IL17REL: variants seen among roughly 807,000 people sequenced by gnomAD.
The protein encoded by IL17REL is interleukin 17 receptor E like.
Under a neutral mutation model 49.0 loss-of-function variants are expected in IL17REL, and 36 were observed. The observed-to-expected ratio is 0.73, with a 90% confidence interval of 0.56 to 0.97. The LOEUF (loss-of-function observed/expected upper bound fraction) is 0.97, where lower values mean the gene tolerates loss of function less well. Among genes scored for constraint, IL17REL ranks in the 50% least tolerant of loss-of-function variants. IL17REL has a pLI of 0.00. For missense variants in IL17REL, 470 were observed against 453.9 expected, an observed-to-expected ratio of 1.04 and a Z score of -0.32; for synonymous variants, 206 against 192.4, an observed-to-expected ratio of 1.07 and a Z score of -0.58.
rs144306366 is a variant in IL17REL, at chr22:49,999,098, G to GCACA, written c.601+189_601+192dup. Among the ~76,000 whole-genome samples the GCACA allele has an allele frequency of 2.6e-3, 397 of 151,522 alleles. 2 individuals carry two copies. The highest frequency in any genetic ancestry group is 7.0e-3 in the African/African-American group (290 of 41,280). On this transcript the variant is annotated intron_variant, in intron 7 of 12. Coordinates refer to ENST00000341280, the Ensembl canonical transcript of IL17REL. Reference sequence around the variant, plus strand: ...GTCCACGTGCGCACACATGTACATTGCACACACACACACACTTATGCACAT... The same window carrying GCACA: ...GTCCACGTGCGCACACATGTACATTGCACACACACACACACACACTTATGCACAT...
chr22:50,012,420 AC>A (rs775944243), upstream of IL17REL: 10 of 151,604 alleles, frequency 6.6e-5, no homozygotes, highest in Admixed American at 1.3e-4. Context: ...CTGCCCTCGG[AC>A]CCCCCAGGGC....
At chr22:50,006,057 G>C (rs574181518) in intron 1 of IL17REL, among the ~76,000 whole-genome samples, 1 of 152,190 alleles carries the variant, frequency 6.6e-6, no homozygotes, top group Non-Finnish European at 1.5e-5. Flanking sequence ...AGGGGTGGAG[G>C]ATGGAGGGAA....
At chr22:49,999,466 G>T in exon 6 of IL17REL, 1 of 1,611,018 alleles carries the variant, frequency 6.2e-7, no homozygotes, top group Non-Finnish European at 8.5e-7. Context: ...TGGCTGTAGG[G>T]CAGGAAGACG....
At chr22:50,011,476 C>A (rs556962986), upstream of IL17REL, among the ~76,000 whole-genome samples, 2 of 152,006 alleles carry the variant, frequency 1.3e-5, no homozygotes, top group African/African-American at 4.8e-5. Context: ...GCCGCCTCCC[C>A]CCATGTCTCC....
intron 4 of IL17REL, 81 bp from the exon 7 acceptor site, chr22:50,000,048 G>T (rs1042945620): frequency 6.6e-6 from 9 of 1,364,556 alleles, no homozygotes; most frequent in Non-Finnish European, 8.6e-6. Flanking sequence ...GAGCCCCGAC[G>T]TGGTGGCTCC....
intron 7 of IL17REL, among the ~76,000 whole-genome samples, chr22:49,998,771 GTCCATGGGTGTGGGTGTGCGTA>G (rs1398328430): frequency 1.3e-5 from 2 of 151,118 alleles, no homozygotes; most frequent in Admixed American, 6.6e-5. Context: ...ATGGGTGCGT[GTCCATGGGTGTGGGTGTGCGTA>G]TGCATGGGTG....
upstream of IL17REL, among the ~76,000 whole-genome samples, chr22:50,009,650 T>TG (rs2061128051): frequency 5.9e-5 from 1 of 17,082 alleles, no homozygotes. Flanking sequence ...GGGGTGGGGG[T>TG]GGGGGTGGGG....
intron 4 of IL17REL, 116 bp downstream of exon 5, chr22:50,000,362 T>A: frequency 1.3e-6 from 1 of 774,348 alleles, no homozygotes; most frequent in Non-Finnish European, 2.2e-6. Flanking sequence ...AAGCCAGAGG[T>A]CTTGCGGGGA....
downstream of IL17REL, among the ~76,000 whole-genome samples, chr22:49,992,173 G>T (rs960916912): frequency 3.9e-5 from 6 of 152,280 alleles, no homozygotes; most frequent in Admixed American, 3.3e-4. Context: ...CCACAAATTT[G>T]TGGACACAAA....
In IL17REL at chr22:49,999,760, ACCGGGGC is replaced by A. The variant is rs1477874035; in HGVS notation, c.474+61_474+67del. Reference sequence around the variant, plus strand: ...GCGGGGTGGGCGGGGCCTAAGGCTGACCGGGGCCCGGGGCGCGGAGGTGGGCGGGGCC... The same window carrying A: ...GCGGGGTGGGCGGGGCCTAAGGCTGACCGGGGCGCGGAGGTGGGCGGGGCC... On this transcript the variant is annotated intron_variant, in intron 5 of 12. Transcript: ENST00000341280. 6.2e-6 allele frequency: 7 copies of A among 1,129,504 alleles called. No homozygotes were observed. The Admixed American group carries it at 1.8e-4, about 29-fold the overall frequency. The allele number at this position is 1,129,504 out of a possible 1,614,324, so 70.0% of individuals were successfully genotyped here. A position where few individuals can be genotyped will look rare whatever the true frequency, so the allele number is the denominator to read the frequency against.
chr22:50,001,508 C>T (rs563033859), intron 1 of IL17REL, among the ~76,000 whole-genome samples: 19 of 152,196 alleles, frequency 1.2e-4, no homozygotes, highest in Non-Finnish European at 2.2e-4. Context: ...AAGCTGCTGC[C>T]CCACCTGGCC....
At chr22:50,006,825 C>T (rs940056359) in intron 1 of IL17REL, among the ~76,000 whole-genome samples, 2 of 151,856 alleles carry the variant, frequency 1.3e-5, no homozygotes. Flanking sequence ...CATGGTGGCA[C>T]ATGCCTGTAA....
chr22:49,991,823 G>C (rs6010239), downstream of IL17REL, among the ~76,000 whole-genome samples: 3 of 152,172 alleles, frequency 2.0e-5, no homozygotes, highest in African/African-American at 7.2e-5. Flanking sequence ...CGTCAATTCA[G>C]GAAGTTTATT....
At chr22:49,994,211 T>G (rs1340412627), downstream of IL17REL, among the ~76,000 whole-genome samples, 1 of 152,056 alleles carries the variant, frequency 6.6e-6, no homozygotes, top group East Asian at 1.9e-4. Flanking sequence ...CAAACCCAGC[T>G]TCTAAAGCCC....
chr22:49,998,740 TATGTGCATGGGTGC>T (rs2061053767), intron 7 of IL17REL, among the ~76,000 whole-genome samples: 1 of 149,034 alleles, frequency 6.7e-6, no homozygotes, highest in African/African-American at 2.5e-5. Flanking sequence ...TATGGGTGTG[TATGTGCATGGGTGC>T]GTGTGCATGG....
intron 1 of IL17REL, 121 bp from the exon 3 acceptor site, chr22:50,001,352 A>G (rs1601888790): frequency 1.7e-6 from 1 of 590,554 alleles, no homozygotes; most frequent in South Asian, 2.0e-5. Flanking sequence ...GGTCTTTACT[A>G]TCTTGCCCCA....
chr22:49,996,975 G>T lies in IL17REL; in HGVS notation c.*44+19C>A. Reference sequence around the variant, plus strand: ...AGTGGAGGAGATGGCTAGGGGCTGGGCACAGCAGCGACACCCACCTGGATG... The same window carrying T: ...AGTGGAGGAGATGGCTAGGGGCTGGTCACAGCAGCGACACCCACCTGGATG... On this transcript the variant is annotated intron_variant, in intron 12 of 12. Transcript: ENST00000341280. 2 of 1,337,806 alleles carry T rather than the reference G, an allele frequency of 1.5e-6. No individual in the cohort carries two copies. Among genetic ancestry groups the T allele is most frequent in the Non-Finnish European group, 2.1e-6 (2 of 975,492 alleles). 82.9% of individuals were successfully genotyped at this position (1,337,806 alleles called of 1,614,324 possible).
chr22:49,999,803 C>A, intron 5 of IL17REL, 25 bp downstream of exon 7: 5 of 1,478,946 alleles, frequency 3.4e-6, no homozygotes, highest in Non-Finnish European at 4.5e-6. Context: ...TAAGGCTGAC[C>A]GGGGCCCGGG....
chr22:50,001,154 T>C, exon 2 of IL17REL: 1 of 1,606,592 alleles, frequency 6.2e-7, no homozygotes, highest in Non-Finnish European at 8.5e-7. Flanking sequence ...TGCATGGCAG[T>C]GGAGGACGTC....
Sources: gnomAD v4.1 joint callset for allele counts (sites outside exome capture counted in the v4.1 genomes callset) on GRCh38, gnomAD v4.1.1 for gene constraint, MANE v1.5 for transcripts, NCBI Gene and HGNC (gene_info 2026-07-23, HGNC 2026-07-21) for gene names.